PCDH11Y: variants seen among roughly 807,000 people sequenced by gnomAD.
PCDH11Y encodes the protein protocadherin-11 Y-linked.
For missense variants in PCDH11Y, 12 were observed against 224.8 expected (o/e 0.05, Z 6.05); for synonymous variants, 9 against 83.6 (o/e 0.11, Z 4.87).
chrY:5,009,127 G>A, intron 1 of PCDH11Y, among the ~76,000 whole-genome samples: 3 of 33,265 alleles, frequency 9.0e-5, no homozygotes, highest in East Asian at 1.6e-3. Context: ...GCTTTCCAAC[G>A]TGTTTAGAAT....
intron 1 of PCDH11Y, among the ~76,000 whole-genome samples, chrY:5,031,476 A>G: frequency 3.0e-5 from 1 of 33,174 alleles, no homozygotes; most frequent in Non-Finnish European, 7.4e-5. Flanking sequence ...ACTCAAAATA[A>G]TTCATGTAGG....
At chrY:5,605,132 A>G in intron 4 of PCDH11Y, among the ~76,000 whole-genome samples, 18 of 32,772 alleles carry the variant, frequency 5.5e-4, no homozygotes, top group African/African-American at 2.1e-3. Context: ...AATATGGTTT[A>G]TGTTGGCAAT....
In PCDH11Y at chrY:5,030,629, T is replaced by C. The variant is rs1602840771; in HGVS notation, c.-133-1277T>C. 2.4e-4 allele frequency among the ~76,000 whole-genome samples: 8 copies of C among 33,418 alleles called. No homozygotes were observed. In the South Asian group the frequency reaches 5.2e-3, roughly 22 times the overall value. The allele number at this position is 33,418 out of a possible 37,273, so 89.7% of individuals were successfully genotyped here. On this transcript the variant is annotated intron_variant, in intron 1 of 5. Coordinates refer to the PCDH11Y transcript ENST00000333703. ...CTCTTCCTTATACCCACATTGCAGA[T>C]TAAACTTTAGACTTTTTTATCTTGC...
chrY:5,292,357 T>G, intron 2 of PCDH11Y, among the ~76,000 whole-genome samples: 1 of 33,460 alleles, frequency 3.0e-5, no homozygotes, highest in Non-Finnish European at 7.4e-5. Context: ...CTGGTAGAAT[T>G]CAGCAGTGAA....
At chrY:5,165,257 A>G (rs1384399251) in intron 2 of PCDH11Y, among the ~76,000 whole-genome samples, 4 of 32,649 alleles carry the variant, frequency 1.2e-4, no homozygotes, top group Admixed American at 2.8e-4. Context: ...CGTTCTTTGC[A>G]AGTGCACATA....
At chrY:5,192,540 T>A in intron 2 of PCDH11Y, among the ~76,000 whole-genome samples, 2 of 33,253 alleles carry the variant, frequency 6.0e-5, no homozygotes, top group African/African-American at 2.3e-4. Context: ...TATTCTCTTC[T>A]TTCATTAACA....
At chrY:5,653,581 C>T (rs1602956524) in intron 4 of PCDH11Y, among the ~76,000 whole-genome samples, 2 of 32,654 alleles carry the variant, frequency 6.1e-5, no homozygotes, top group African/African-American at 1.2e-4. Context: ...TAAAAATAAA[C>T]GAGCAAAGCC....
intron 4 of PCDH11Y, among the ~76,000 whole-genome samples, chrY:5,681,903 C>T (rs2053558789): frequency 8.2e-4 from 26 of 31,747 alleles, no homozygotes; most frequent in South Asian, 2.2e-3. Context: ...CCTAAATCAT[C>T]ACTCTCAAGT....
intron 2 of PCDH11Y, among the ~76,000 whole-genome samples, chrY:5,194,471 A>G: frequency 3.9e-4 from 12 of 30,408 alleles, no homozygotes; most frequent in African/African-American, 1.3e-4. Flanking sequence ...AGCAAAAGCA[A>G]AAGGGATCAT....
At chrY:5,344,258 C>T in intron 2 of PCDH11Y, among the ~76,000 whole-genome samples, 2 of 33,802 alleles carry the variant, frequency 5.9e-5, no homozygotes, top group Admixed American at 2.7e-4. Flanking sequence ...ACAGCTAGCA[C>T]ATTTCTTACC....
intron 2 of PCDH11Y, among the ~76,000 whole-genome samples, chrY:5,321,338 C>T (rs2053112454): frequency 3.0e-5 from 1 of 32,879 alleles, no homozygotes; most frequent in Non-Finnish European, 7.5e-5. Flanking sequence ...ATTCAAATAT[C>T]TCCCACTGGA....
chrY:5,511,996 T>G, intron 3 of PCDH11Y, among the ~76,000 whole-genome samples: 1 of 32,841 alleles, frequency 3.0e-5, no homozygotes, highest in Admixed American at 2.8e-4. Context: ...GGGACCAGAT[T>G]GCCTAGAAGA....
intron 2 of PCDH11Y, among the ~76,000 whole-genome samples, chrY:5,174,493 G>A: frequency 2.0e-4 from 6 of 30,276 alleles, no homozygotes; most frequent in Non-Finnish European, 4.8e-4. Context: ...AAACAACCTC[G>A]CAAAATCACT....
chrY:5,228,052 CT>C (rs2052962941), intron 2 of PCDH11Y, among the ~76,000 whole-genome samples: 6 of 27,582 alleles, frequency 2.2e-4, no homozygotes, highest in East Asian at 9.5e-4. Flanking sequence ...GGGTCCCAGG[CT>C]TTTTTTTTTT....
intron 3 of PCDH11Y, among the ~76,000 whole-genome samples, chrY:5,521,519 T>C: frequency 3.0e-5 from 1 of 32,883 alleles, no homozygotes; most frequent in South Asian, 6.8e-4. Context: ...AATTGTCTCA[T>C]TGATGCCTAG....
At chrY:5,729,563 A>G (rs1602964872) in intron 4 of PCDH11Y, among the ~76,000 whole-genome samples, 3 of 31,870 alleles carry the variant, frequency 9.4e-5, no homozygotes, top group East Asian at 1.6e-3. Flanking sequence ...CTCCCATTCT[A>G]TAGGTTGTCT....
At chrY:5,673,126 G>A (rs2053551022) in intron 4 of PCDH11Y, among the ~76,000 whole-genome samples, 2 of 32,904 alleles carry the variant, frequency 6.1e-5, no homozygotes, top group African/African-American at 2.4e-4. Context: ...TGAAAGCTTG[G>A]TAAATTCAGT....
intron 4 of PCDH11Y, among the ~76,000 whole-genome samples, chrY:5,647,601 G>T: frequency 3.0e-5 from 1 of 33,556 alleles, no homozygotes; most frequent in African/African-American, 1.2e-4. Flanking sequence ...CCGCCTCCTG[G>T]ATTCAAGTGA....
At chrY:5,438,768 C>G in intron 2 of PCDH11Y, among the ~76,000 whole-genome samples, 1 of 22,898 alleles carries the variant, frequency 4.4e-5, no homozygotes, top group East Asian at 1.1e-3. Context: ...CTTTGAGTGC[C>G]ATCATTAAGA....
Sources: allele counts gnomAD v4.1 joint callset (sites outside exome capture counted in the v4.1 genomes callset), GRCh38; gene constraint gnomAD v4.1.1; transcripts MANE v1.5; gene names NCBI Gene and HGNC (gene_info 2026-07-23, HGNC 2026-07-21).